CEP192: variants seen among roughly 807,000 people sequenced by gnomAD.
CEP192 encodes centrosomal protein 192, also known as centrosomal protein of 192 kDa.
A neutral mutation model predicts 271.8 loss-of-function variants in CEP192; 151 were observed. The ratio of observed to expected loss-of-function variants is 0.56; its 90% CI spans 0.49 to 0.64. The LOEUF (loss-of-function observed/expected upper bound fraction) is 0.64, where lower values mean the gene tolerates loss of function less well. Ranked by LOEUF, CEP192 falls within the 30% of genes least tolerant of loss-of-function variation. The pLI is 0.00. For synonymous variants in CEP192, 995 were observed against 1,076.5 expected (o/e 0.92, Z 1.48); for missense variants, 2,910 against 3,020.5 (o/e 0.96, Z 0.86).
At chr18:13,053,460 A>G (rs1480585704) in intron 18 of CEP192, among the ~76,000 whole-genome samples, 1 of 152,130 alleles carries the variant, frequency 6.6e-6, no homozygotes, top group African/African-American at 2.4e-5. Flanking sequence ...GACTGCTAGG[A>G]GTTAGGCAGC....
intron 21 of CEP192, among the ~76,000 whole-genome samples, chr18:13,060,023 G>A (rs545963548): frequency 8.1e-4 from 124 of 152,228 alleles, no homozygotes; most frequent in African/African-American, 2.9e-3. Flanking sequence ...GAGATGGGAG[G>A]GTGCAGAATA....
chr18:13,043,453 T>C (rs548138675), intron 15 of CEP192, among the ~76,000 whole-genome samples: 1 of 152,240 alleles, frequency 6.6e-6, no homozygotes, highest in East Asian at 1.9e-4. Context: ...AGAGTCTCTC[T>C]TGTGCTTCTT....
intron 40 of CEP192, among the ~76,000 whole-genome samples, chr18:13,106,325 A>G (rs1482560639): frequency 6.6e-6 from 1 of 151,630 alleles, no homozygotes; most frequent in Non-Finnish European, 1.5e-5. Flanking sequence ...CCCACTCACA[A>G]CTACCATCAT....
Position 13,017,186 on chromosome 18 carries a change from AGAT to A in CEP192, c.646_648del (p.Asp216del), listed in dbSNP as rs1393359659. 7 of 1,537,028 alleles carry A rather than the reference AGAT, an allele frequency of 4.6e-6. No individual in the cohort carries two copies. Among genetic ancestry groups the A allele is most frequent in the Non-Finnish European group, 8.8e-7 (1 of 1,142,580 alleles). ...CCTGTTTTTTCTCGATTTTATCAAT[AGAT>A]GATGATATTGATGATGAAATGTTTT... On this transcript the variant is annotated splice_acceptor_variant and coding_sequence_variant, in exon 7 of 45. Coordinates refer to ENST00000506447, the MANE Select transcript of CEP192 (RefSeq NM_032142.4). LOFTEE classifies it high-confidence loss of function.
chr18:13,118,720 A>G (rs1280518195), intron 44 of CEP192, among the ~76,000 whole-genome samples: 1 of 152,226 alleles, frequency 6.6e-6, no homozygotes, highest in African/African-American at 2.4e-5. Flanking sequence ...TGCCAGTGCT[A>G]GCTACTGACA....
chr18:13,096,166 A>G lies in CEP192; in HGVS notation c.6434-18A>G, dbSNP rs1201975123. ...TGTTGTTAAATGTAAGTCACATTTT[A>G]TGTATCTGACAAAATAGGTGACATG... On this transcript the variant is annotated intron_variant, in intron 35 of 44. Transcript: ENST00000506447. 6.2e-7 allele frequency: 1 copy of G among 1,612,264 alleles called. No individual in the cohort carries two copies. Among genetic ancestry groups the G allele is most frequent in the Non-Finnish European group, 8.5e-7 (1 of 1,179,048 alleles).
At chr18:13,038,251 TAG>T in intron 12 of CEP192, 117 bp from the exon 13 acceptor site, 2 of 796,078 alleles carry the variant, frequency 2.5e-6, no homozygotes, top group Non-Finnish European at 2.0e-6. Context: ...TTTTTTTGTC[TAG>T]TTTTTCAAAA....
At chr18:13,030,036 A>AATAG (rs2035528515) in intron 10 of CEP192, 34 bp downstream of exon 10, 37 of 1,408,064 alleles carry the variant, frequency 2.6e-5, no homozygotes, top group Non-Finnish European at 3.5e-5. Flanking sequence ...GAGTGAAAGA[A>AATAG]ATAGATGTTC....
rs1359674784 is a variant in CEP192 at position 13,116,448 on chromosome 18, G to A, written c.7361G>A (p.Gly2454Glu). Reference protein sequence around the residue: ...DVYRFRPTSVGESRTLKVNLR... With the variant: ...DVYRFRPTSVEESRTLKVNLR... Reference sequence around the variant, plus strand: ...TACAGGTTCCGGCCGACTAGTGTGGGGGAATCACGGACACTTAAAGTCAAT... The same window carrying A: ...TACAGGTTCCGGCCGACTAGTGTGGAGGAATCACGGACACTTAAAGTCAAT... Residue 2454 changes from glycine to glutamate, a missense_variant, in exon 43 of 45, where the codon GGG becomes GAG. Transcript: ENST00000506447. 5 of 1,611,766 alleles carry A rather than the reference G, an allele frequency of 3.1e-6. No individual in the cohort carries two copies. Among genetic ancestry groups the A allele is most frequent in the Non-Finnish European group, 4.2e-6 (5 of 1,179,366 alleles).
intron 30 of CEP192, among the ~76,000 whole-genome samples, chr18:13,085,327 A>T (rs2038846586): frequency 6.6e-6 from 1 of 152,092 alleles, no homozygotes; most frequent in Non-Finnish European, 1.5e-5. Context: ...GATAGCAAAA[A>T]TGTTCTCCCA....
intron 30 of CEP192, among the ~76,000 whole-genome samples, chr18:13,078,789 C>T (rs1241524385): frequency 6.6e-6 from 1 of 152,134 alleles, no homozygotes; most frequent in South Asian, 2.1e-4. Flanking sequence ...TCCCCTGCCC[C>T]CCATCCCACA....
chr18:13,057,651 C>A lies in CEP192; in HGVS notation c.4175C>A (p.Thr1392Asn). 1 of 1,614,130 alleles carries A rather than the reference C, an allele frequency of 6.2e-7. No homozygotes were observed. Among genetic ancestry groups the A allele is most frequent in the Non-Finnish European group, 8.5e-7 (1 of 1,180,000 alleles). Reference sequence around the variant, plus strand: ...TGCTGTGTCGGGATCGCTTCCCAGACCCTCCTCAGTGTGCTTAATCCAACT... The same window carrying A: ...TGCTGTGTCGGGATCGCTTCCCAGAACCTCCTCAGTGTGCTTAATCCAACT... The part of the protein sequence containing the change: ...HACCVGIASQ[T>N]LLSVLNPTDR... Residue 1392 changes from threonine (T) to asparagine (N), a missense_variant, in exon 20 of 45, where the codon ACC becomes AAC. Transcript: ENST00000506447.
At chr18:13,042,370 T>C in intron 15 of CEP192, 36 bp downstream of exon 15, 1 of 1,609,312 alleles carries the variant, frequency 6.2e-7, no homozygotes, top group Non-Finnish European at 8.5e-7. Flanking sequence ...TCTAAGATTA[T>C]CTTGTTGTAG....
At chr18:13,071,370 T>C (rs553402083) in intron 28 of CEP192, among the ~76,000 whole-genome samples, 158 bp downstream of exon 28, 2 of 152,308 alleles carry the variant, frequency 1.3e-5, no homozygotes, top group East Asian at 1.9e-4. Flanking sequence ...CTGATTCAGC[T>C]TTTCTTTAAC....
At chr18:13,118,386 A>G (rs779471140) in intron 44 of CEP192, among the ~76,000 whole-genome samples, 39 of 152,214 alleles carry the variant, frequency 2.6e-4, no homozygotes, top group Non-Finnish European at 4.7e-4. Context: ...CCTGCCATTT[A>G]TGCACTTACT....
chr18:13,124,554 G>A (rs1010263794), intron 44 of CEP192, 78 bp from the exon 45 acceptor site: 30 of 1,380,308 alleles, frequency 2.2e-5, no homozygotes, highest in Non-Finnish European at 2.6e-5. Context: ...CAACACCTGA[G>A]CCAGGCACTG....
intron 44 of CEP192, among the ~76,000 whole-genome samples, chr18:13,122,619 G>A (rs7227681): frequency 0.036 from 5,495 of 152,240 alleles, 312 homozygotes; most frequent in African/African-American, 0.12. Context: ...AGGAAGTGTG[G>A]TTGCTAGAAT....
intron 9 of CEP192, among the ~76,000 whole-genome samples, chr18:13,022,530 G>A (rs892908118): frequency 1.3e-5 from 2 of 152,002 alleles, no homozygotes; most frequent in African/African-American, 4.8e-5. Flanking sequence ...ACAAGTGTAC[G>A]CCACCATGCC....
At position 13,055,544 on chromosome 18, in the gene CEP192, T is replaced by C. The variant is rs534842264; in HGVS notation, c.3190-236T>C. 3.6e-4 allele frequency among the ~76,000 whole-genome samples: 55 copies of C among 152,342 alleles called. 2 individuals carry two copies. In the South Asian group the frequency reaches 0.011, roughly 30 times the overall value. On this transcript the variant is annotated intron_variant, in intron 18 of 44. Coordinates refer to ENST00000506447, the MANE Select transcript of CEP192 (RefSeq NM_032142.4). Reference sequence around the variant, plus strand: ...AAAATTTTCAGATATTCTTAGTGTATACCTCCTATTTATTTTCCTCATGGT... The same window carrying C: ...AAAATTTTCAGATATTCTTAGTGTACACCTCCTATTTATTTTCCTCATGGT...
Sources: gnomAD v4.1 joint callset for allele counts (sites outside exome capture counted in the v4.1 genomes callset) on GRCh38, gnomAD v4.1.1 for gene constraint, MANE v1.5 for transcripts, NCBI Gene and HGNC (gene_info 2026-07-23, HGNC 2026-07-21) for gene names.